The following CRACR2A variants were observed in gnomAD, a reference collection of about 807,000 sequenced individuals.
CRACR2A encodes the protein calcium release activated channel regulator 2A.
A neutral mutation model predicts 90.5 loss-of-function variants in CRACR2A; 79 were observed. The observed-to-expected ratio is 0.87, with a 90% CI of 0.73 to 1.05. The LOEUF (loss-of-function observed/expected upper bound fraction) is 1.05. Among genes scored for constraint, CRACR2A ranks in the 50% least tolerant of loss-of-function variants. CRACR2A has a pLI of 0.00. For synonymous variants in CRACR2A, 338 were observed against 356.7 expected (o/e 0.95, Z 0.59); for missense variants, 823 against 897.2 (o/e 0.92, Z 1.06).
chr12:3,621,557 C>G (rs1294890355), intron 17 of CRACR2A, among the ~76,000 whole-genome samples: 2 of 141,792 alleles, frequency 1.4e-5, no homozygotes, highest in African/African-American at 2.6e-5. Flanking sequence ...GAGGCTGAGG[C>G]AGAGAATTGC....
intron 8 of CRACR2A, among the ~76,000 whole-genome samples, chr12:3,658,318 C>A (rs970696640): frequency 1.3e-5 from 2 of 152,146 alleles, no homozygotes; most frequent in African/African-American, 4.8e-5. Context: ...GGACAAGATG[C>A]CCCATGGAGC....
chr12:3,660,551 T>C (rs1258494032), intron 7 of CRACR2A, among the ~76,000 whole-genome samples: 2 of 152,038 alleles, frequency 1.3e-5, no homozygotes, highest in African/African-American at 4.8e-5. Flanking sequence ...GGATGACCCT[T>C]TTCTGCTTCC....
intron 2 of CRACR2A, among the ~76,000 whole-genome samples, chr12:3,721,219 T>C (rs1313222132): frequency 2.0e-5 from 3 of 151,954 alleles, no homozygotes; most frequent in Non-Finnish European, 2.9e-5. Flanking sequence ...TAGTAAAAGA[T>C]GCTGTGTTAG....
chr12:3,712,630 C>T (rs557006299), intron 3 of CRACR2A, among the ~76,000 whole-genome samples: 2 of 152,338 alleles, frequency 1.3e-5, no homozygotes, highest in African/African-American at 4.8e-5. Flanking sequence ...CACCTCCCAC[C>T]AGGCCCACCT....
At chr12:3,634,033 A>C (rs891411924) in intron 14 of CRACR2A, among the ~76,000 whole-genome samples, 1 of 152,126 alleles carries the variant, frequency 6.6e-6, no homozygotes. Flanking sequence ...AGTGGGGTGG[A>C]GGAGGCAGCA....
At chr12:3,725,820 G>C (rs1946254088) in intron 2 of CRACR2A, 1 of 152,100 alleles carries the variant, frequency 6.6e-6, no homozygotes, top group South Asian at 2.1e-4. Context: ...GGTGGGGCAG[G>C]GGCAAGGAGC....
rs555645962 is a variant in CRACR2A at position 3,620,482 on chromosome 12, A to G, written c.1933-1110T>C. On this transcript the variant is annotated intron_variant, in intron 17 of 19. Coordinates refer to ENST00000440314, the MANE Select transcript of CRACR2A (RefSeq NM_001144958.2). ...TATACCAATTTTAAATTTAAATGCT[A>G]TTATGTTTGAAATTAAGCCTCAATG... Among the ~76,000 whole-genome samples, 15 of 152,346 alleles carry G rather than the reference A, an allele frequency of 9.8e-5. No homozygotes were observed. In the South Asian group the frequency reaches 1.0e-3, roughly 11 times the overall value.
intron 3 of CRACR2A, among the ~76,000 whole-genome samples, chr12:3,705,682 G>A (rs558428484): frequency 1.3e-5 from 2 of 152,330 alleles, no homozygotes; most frequent in East Asian, 1.9e-4. Context: ...AGATAGGTGG[G>A]TCTCTTCAAA....
rs372467532 is a variant in CRACR2A, at chr12:3,696,625, T to C, written c.228+147A>G. 1.6e-4 allele frequency: 182 copies of C among 1,168,942 alleles called. 1 individual carries two copies. The African/African-American group carries it at 2.6e-3, about 17-fold the overall frequency. 72.4% of individuals were successfully genotyped at this position (1,168,942 alleles called of 1,614,324 possible). Reference sequence around the variant, plus strand: ...TGAACTCAGGAGGTCCGGCTCCTAGTAGAGTTTGGGCAGATCCTTCCTTCC... The same window carrying C: ...TGAACTCAGGAGGTCCGGCTCCTAGCAGAGTTTGGGCAGATCCTTCCTTCC... On this transcript the variant is annotated intron_variant, in intron 4 of 19. Transcript: ENST00000440314.
chr12:3,705,594 G>C (rs1945904179), intron 3 of CRACR2A, among the ~76,000 whole-genome samples: 1 of 152,212 alleles, frequency 6.6e-6, no homozygotes, highest in African/African-American at 2.4e-5. Flanking sequence ...GCTTCAGTGG[G>C]AGGGATCCTC....
At chr12:3,739,821 C>A (rs533112622) in intron 1 of CRACR2A, among the ~76,000 whole-genome samples, 1 of 151,956 alleles carries the variant, frequency 6.6e-6, no homozygotes, top group Admixed American at 6.6e-5. Context: ...GTAATCCCAG[C>A]TACTCAGGAG....
intron 3 of CRACR2A, among the ~76,000 whole-genome samples, chr12:3,703,405 C>A (rs959648637): frequency 6.6e-6 from 1 of 152,284 alleles, no homozygotes; most frequent in East Asian, 1.9e-4. Flanking sequence ...TTTTAATTCG[C>A]ACTTTGTACC....
At chr12:3,629,968 A>T (rs1446568183) in intron 15 of CRACR2A, among the ~76,000 whole-genome samples, 2 of 152,006 alleles carry the variant, frequency 1.3e-5, no homozygotes, top group Non-Finnish European at 2.9e-5. Context: ...TGATTTTAAG[A>T]CTACCACCAG....
rs762966470 is a variant in CRACR2A, at chr12:3,678,968, T to C, written c.471A>G (p.Glu157=). 1.2e-6 allele frequency: 2 copies of C among 1,613,822 alleles called. No homozygotes were observed. Among genetic ancestry groups the C allele is most frequent in the Non-Finnish European group, 1.7e-6 (2 of 1,179,932 alleles). The part of the protein sequence containing the change: ...EDLGDMGEDE[E]AQFRMLMDRL... The stretch of plus-strand genomic sequence containing the variant: ...TGTCCATCAGCATCCGGAACTGGGC[T>C]TCCTCATCTTCGCCCATGTCGCCCA... The change falls in exon 6 of 20, where the codon GAA becomes GAG. Residue 157 remains glutamate, a synonymous_variant. Transcript: ENST00000440314.
intron 4 of CRACR2A, among the ~76,000 whole-genome samples, chr12:3,691,250 G>A (rs1474229514): frequency 7.3e-5 from 7 of 96,416 alleles, no homozygotes; most frequent in East Asian, 4.2e-4. Context: ...ACTGGTCTGC[G>A]TACTTAAGTG....
intron 15 of CRACR2A, among the ~76,000 whole-genome samples, chr12:3,628,505 C>T (rs1035449686): frequency 1.3e-5 from 2 of 152,134 alleles, no homozygotes; most frequent in Non-Finnish European, 2.9e-5. Flanking sequence ...ACAACCATCT[C>T]TCCAGGGGTG....
chr12:3,740,577 T>G (rs1290100765), intron 1 of CRACR2A, among the ~76,000 whole-genome samples: 1 of 152,228 alleles, frequency 6.6e-6, no homozygotes, highest in Non-Finnish European at 1.5e-5. Context: ...AGTCATAATT[T>G]TATTTAATAT....
rs1946721346 is a variant in CRACR2A, at chr12:3,752,356, GGACACACACACACAGAC to G, written c.-387+642_-387+658del. ...CACACGGACACACACACACACACAC[GGACACACACACACAGAC>G]ACACACACACACGGACACACACACA... is the stretch of plus-strand genomic sequence containing the variant. On this transcript the variant is annotated intron_variant, in intron 1 of 19. Coordinates refer to ENST00000440314, the MANE Select transcript of CRACR2A (RefSeq NM_001144958.2). 3.4e-4 allele frequency among the ~76,000 whole-genome samples: 8 copies of G among 23,228 alleles called. No individual in the cohort carries two copies. In the South Asian group the frequency reaches 6.6e-3, roughly 19 times the overall value. The allele number at this position is 23,228 out of a possible 152,430, so 15.2% of individuals were successfully genotyped here.
chr12:3,621,648 C>CAGAAAAAAAAAAA (rs1944137697), intron 17 of CRACR2A, among the ~76,000 whole-genome samples: 1 of 14,582 alleles, frequency 6.9e-5, no homozygotes, highest in East Asian at 3.0e-3. Context: ...GAGACTCTGT[C>CAGAAAAAAAAAAA]AAAAAAAAAA....
Sources: allele counts gnomAD v4.1 joint callset (sites outside exome capture counted in the v4.1 genomes callset), GRCh38; gene constraint gnomAD v4.1.1; transcripts MANE v1.5; gene names NCBI Gene and HGNC (gene_info 2026-07-23, HGNC 2026-07-21).